WNK2: variants seen among roughly 807,000 people sequenced by gnomAD.
WNK2 encodes WNK lysine deficient protein kinase 2, also known as serine/threonine-protein kinase WNK2.
In WNK2, 67 loss-of-function variants were observed where a neutral mutation model predicts 192.1. The ratio of observed to expected loss-of-function variants is 0.35; its 90% CI spans 0.29 to 0.43. The LOEUF (loss-of-function observed/expected upper bound fraction) is 0.43, where lower values mean the gene tolerates loss of function less well. Among genes scored for constraint, WNK2 ranks in the 20% least tolerant of loss-of-function variants. WNK2 has a pLI of 1.00. For synonymous variants in WNK2, 1,439 were observed against 1,393.9 expected (o/e 1.03, Z -0.72); for missense variants, 2,698 against 3,089.7 (o/e 0.87, Z 3.01).
chr9:93,286,486 G>A (rs1848461116), intron 19 of WNK2, among the ~76,000 whole-genome samples: 1 of 152,188 alleles, frequency 6.6e-6, no homozygotes, highest in Non-Finnish European at 1.5e-5. Flanking sequence ...CACCTGTTAA[G>A]ATCACTGCTC....
At chr9:93,223,605 TGCTC>T (rs1395069935) in intron 2 of WNK2, among the ~76,000 whole-genome samples, 8 of 152,238 alleles carry the variant, frequency 5.3e-5, no homozygotes, top group Admixed American at 2.6e-4. Context: ...TGGTGTGGCT[TGCTC>T]TGCACCAGCC....
chr9:93,184,892 G>A (rs781010092), intron 1 of WNK2, 36 bp from the exon 2 acceptor site: 9 of 1,220,246 alleles, frequency 7.4e-6, no homozygotes, highest in Non-Finnish European at 9.2e-6. Context: ...CGGCAGGGCC[G>A]GCGCTCACGC....
chr9:93,210,119 G>A (rs917194363), intron 2 of WNK2, among the ~76,000 whole-genome samples: 18 of 152,188 alleles, frequency 1.2e-4, no homozygotes, highest in African/African-American at 4.1e-4. Context: ...CCCATGGCTG[G>A]TGTGGCTGAT....
At chr9:93,203,921 C>A (rs988876086) in intron 2 of WNK2, among the ~76,000 whole-genome samples, 1 of 151,958 alleles carries the variant, frequency 6.6e-6, no homozygotes, top group Non-Finnish European at 1.5e-5. Context: ...CAGCCAGGAG[C>A]CCTGTGGGAG....
chr9:93,319,461 A>C, intron 29 of WNK2: 1 of 967,742 alleles, frequency 1.0e-6, no homozygotes, highest in Non-Finnish European at 1.2e-6. Context: ...GAGCACGGTC[A>C]GCTCTGCTGG....
At chr9:93,300,211 C>G in intron 26 of WNK2, 62 bp downstream of exon 26, 2 of 1,354,200 alleles carry the variant, frequency 1.5e-6, no homozygotes, top group Non-Finnish European at 1.1e-6. Flanking sequence ...CCCCCACCCC[C>G]TCCCTGTCTT....
At chr9:93,276,786 C>T (rs1846970942) in intron 19 of WNK2, among the ~76,000 whole-genome samples, 1 of 152,048 alleles carries the variant, frequency 6.6e-6, no homozygotes, top group Admixed American at 6.6e-5. Context: ...ACCTGTAATC[C>T]CAGCACTTTG....
At chr9:93,269,839 TA>T (rs950590053) in intron 19 of WNK2, among the ~76,000 whole-genome samples, 5 of 151,976 alleles carry the variant, frequency 3.3e-5, no homozygotes, top group African/African-American at 1.2e-4. Flanking sequence ...TTTTTCTATT[TA>T]AAAAAAAGGA....
At position 93,247,773 on chromosome 9, in the gene WNK2, G is replaced by C; in HGVS notation, c.1773G>C (p.Glu591Asp). ...AGQPGPPEPE[E>D]PEADQHLLPP... Reference sequence around the variant, plus strand: ...AGCCCGGGCCACCAGAGCCCGAGGAGCCGGAGGCCGACCAGCACCTCCTGC... The same window carrying C: ...AGCCCGGGCCACCAGAGCCCGAGGACCCGGAGGCCGACCAGCACCTCCTGC... The change falls in exon 8 of 30, where the codon GAG (glutamate) becomes GAC (aspartate). Residue 591 changes from glutamate to aspartate, a missense_variant. By Grantham distance (45) the Glu-to-Asp change is conservative (BLOSUM62 2). Coordinates refer to ENST00000427277, the MANE Select transcript of WNK2 (RefSeq NM_006648.4). This position sits in a 1 kb window ranked among gnomAD's most constrained non-coding sequence, Gnocchi z 5.2. 6.5e-7 allele frequency: 1 copy of C among 1,549,860 alleles called. No individual in the cohort carries two copies. The highest frequency in any genetic ancestry group is 1.2e-5 in the South Asian group (1 of 84,128).
chr9:93,194,945 C>T (rs186469672), intron 2 of WNK2, among the ~76,000 whole-genome samples: 17 of 151,668 alleles, frequency 1.1e-4, no homozygotes, highest in African/African-American at 4.1e-4. Flanking sequence ...GTGAAATAAG[C>T]CAATCTGAGA....
chr9:93,218,475 CT>C (rs1467598415), intron 2 of WNK2, among the ~76,000 whole-genome samples: 2 of 152,192 alleles, frequency 1.3e-5, no homozygotes, highest in Non-Finnish European at 2.9e-5. Context: ...CCGATGTGTT[CT>C]CCTGGGGAGG....
chr9:93,287,345 C>T (rs915906952), intron 19 of WNK2, among the ~76,000 whole-genome samples: 12 of 152,126 alleles, frequency 7.9e-5, no homozygotes, highest in African/African-American at 2.7e-4. Context: ...GTGTGCCTGG[C>T]AGGACACGGG....
chr9:93,209,648 G>C (rs1834124758), intron 2 of WNK2, among the ~76,000 whole-genome samples: 1 of 152,342 alleles, frequency 6.6e-6, no homozygotes, highest in East Asian at 1.9e-4. Flanking sequence ...CTGTGCTTGG[G>C]TGGAAGGAAC....
chr9:93,234,440 G>A (rs1327239773), intron 4 of WNK2, among the ~76,000 whole-genome samples: 1 of 152,142 alleles, frequency 6.6e-6, no homozygotes, highest in Non-Finnish European at 1.5e-5. Flanking sequence ...GGCTGCGGCC[G>A]AGCCTGTGGC....
At chr9:93,196,701 T>C (rs1026135567) in intron 2 of WNK2, among the ~76,000 whole-genome samples, 4 of 152,336 alleles carry the variant, frequency 2.6e-5, no homozygotes, top group African/African-American at 9.6e-5. Context: ...TAACTGTGCT[T>C]GTATCTGGGA....
intron 2 of WNK2, among the ~76,000 whole-genome samples, chr9:93,209,038 G>A (rs1833996678): frequency 1.3e-5 from 2 of 152,192 alleles, no homozygotes; most frequent in Admixed American, 6.5e-5. Context: ...CGGACCAAGA[G>A]GTTGCAGCTC....
intron 16 of WNK2, among the ~76,000 whole-genome samples, chr9:93,264,714 T>C (rs920507452): frequency 6.6e-6 from 1 of 152,166 alleles, no homozygotes; most frequent in Non-Finnish European, 1.5e-5. Flanking sequence ...GAGAACATTC[T>C]CCCCAGACCA....
intron 26 of WNK2, among the ~76,000 whole-genome samples, chr9:93,303,118 C>A (rs1000787115): frequency 6.6e-6 from 1 of 152,172 alleles, no homozygotes; most frequent in Admixed American, 6.5e-5. Context: ...CAGGGTCTCA[C>A]CATGTTGCCT....
intron 2 of WNK2, among the ~76,000 whole-genome samples, chr9:93,227,334 C>T (rs1331170611): frequency 6.6e-5 from 10 of 152,052 alleles, no homozygotes; most frequent in Admixed American, 1.3e-4. Context: ...AGGATGGTCT[C>T]GATCTCCTGA....
Sources: gnomAD v4.1 joint callset for allele counts (sites outside exome capture counted in the v4.1 genomes callset) on GRCh38, gnomAD v4.1.1 for gene constraint, Gnocchi (gnomAD v3.1) non-coding constraint, MANE v1.5 for transcripts, NCBI Gene and HGNC (gene_info 2026-07-23, HGNC 2026-07-21) for gene names.